The following SETX variants were observed in gnomAD, a reference collection of about 807,000 sequenced individuals.
SETX encodes the protein senataxin.
Under a neutral mutation model 227.2 loss-of-function variants are expected in SETX, and 90 were observed. The observed-to-expected ratio is 0.40, with a 90% CI of 0.33 to 0.47. The LOEUF (loss-of-function observed/expected upper bound fraction) is 0.47, where lower values mean the gene tolerates loss of function less well. SETX is among the 20% of genes least tolerant of loss of function. The pLI is 0.91. For missense variants in SETX, 3,052 were observed against 3,181.5 expected (o/e 0.96, Z 0.98); for synonymous variants, 1,210 against 1,113.2 (o/e 1.09, Z -1.73).
chr9:132,304,867 A>G (rs1038833353), intron 11 of SETX, among the ~76,000 whole-genome samples: 34 of 152,112 alleles, frequency 2.2e-4, no homozygotes, highest in African/African-American at 7.5e-4. Flanking sequence ...GCATGGTGGC[A>G]CATGCCATAA....
At chr9:132,296,796 G>T in intron 14 of SETX, 91 bp downstream of exon 14, 1 of 1,119,344 alleles carries the variant, frequency 8.9e-7, no homozygotes, top group Non-Finnish European at 1.4e-6. Context: ...AGAGGAAATG[G>T]CATGTTAATA....
intron 5 of SETX, among the ~76,000 whole-genome samples, chr9:132,342,418 T>G (rs141159427): frequency 4.3e-4 from 66 of 152,338 alleles, no homozygotes; most frequent in South Asian, 3.5e-3. Context: ...AGAAGAGGTC[T>G]TCTTGAGTTC....
In SETX at chr9:132,264,167, A is replaced by G; in HGVS notation, c.*72T>C. On this transcript the variant is annotated 3_prime_UTR_variant, in exon 26 of 26. Coordinates refer to ENST00000224140, the MANE Select transcript of SETX (RefSeq NM_015046.7). Reference sequence around the variant, plus strand: ...CTCCTTACAAAAAACAAGCTTATCTAGATGGTCCCACGAGCTGGTCATCTT... The same window carrying G: ...CTCCTTACAAAAAACAAGCTTATCTGGATGGTCCCACGAGCTGGTCATCTT... 1 of 1,603,244 alleles carries G rather than the reference A, an allele frequency of 6.2e-7. No homozygotes were observed. The highest frequency in any genetic ancestry group is 8.5e-7 in the Non-Finnish European group (1 of 1,175,636).
In SETX at chr9:132,288,712, T is replaced by C. The variant is rs571538763; in HGVS notation, c.6107-61A>G. ...ACACTGCTGATCAATCCTGTCTCTA[T>C]ACATAGTATCTATATTTCTAAGTAA... On this transcript the variant is annotated intron_variant, in intron 15 of 25. Coordinates refer to ENST00000224140, the MANE Select transcript of SETX (RefSeq NM_015046.7). 2.6e-4 allele frequency: 270 copies of C among 1,049,006 alleles called. 1 individual carries two copies. The highest frequency in any genetic ancestry group is 2.3e-3 in the Middle Eastern group (9 of 3,988). The allele number at this position is 1,049,006 out of a possible 1,614,324, so 65.0% of individuals were successfully genotyped here. A position where few individuals can be genotyped will look rare whatever the true frequency, so the allele number is the denominator to read the frequency against.
chr9:132,282,081 A>G (rs980604881), intron 19 of SETX, among the ~76,000 whole-genome samples: 3 of 151,334 alleles, frequency 2.0e-5, no homozygotes, highest in Non-Finnish European at 4.4e-5. Context: ...AATAAAAAGT[A>G]AACTCTCCAA....
At chr9:132,346,748 T>TC (rs1380168153) in intron 3 of SETX, among the ~76,000 whole-genome samples, 1 of 150,760 alleles carries the variant, frequency 6.6e-6, no homozygotes, top group Admixed American at 6.6e-5. Context: ...GGTCAGGAGT[T>TC]CGAGACCAGC....
chr9:132,288,111 G>A (rs2131244997), intron 17 of SETX, 125 bp downstream of exon 17: 1 of 743,192 alleles, frequency 1.3e-6, no homozygotes, highest in South Asian at 1.5e-5. Flanking sequence ...AGGAAGGTGA[G>A]GCTGCAGTGA....
chr9:132,329,394 C>A lies in SETX; in HGVS notation c.2204G>T (p.Gly735Val), dbSNP rs759020617. The part of the protein sequence containing the change: ...DCTSRNGPER[G>V]CDRGIIVSTR... ...TGATACTATTATTCCTCTGTCACAT[C>A]CCCTTTCTGGACCATTTCTTGAAGT... The change falls in exon 10 of 26, where the codon GGA (glycine) becomes GTA (valine). Residue 735 changes from glycine to valine, a missense_variant. Transcript: ENST00000224140. 18 of 1,613,746 alleles carry A rather than the reference C, an allele frequency of 1.1e-5. No homozygotes were observed. Among genetic ancestry groups the A allele is most frequent in the Non-Finnish European group, 1.5e-5 (18 of 1,179,968 alleles).
In SETX at chr9:132,327,354, T is replaced by C; in HGVS notation, c.4244A>G (p.Lys1415Arg). Residue 1415 changes from lysine to arginine, a missense_variant, in exon 10 of 26, where the codon AAA (lysine) becomes AGA (arginine). This residue lies in a region of SETX where 1,483 missense variants were observed against 1,312.0 expected (regional missense o/e 1.13). Coordinates refer to ENST00000224140, the MANE Select transcript of SETX (RefSeq NM_015046.7). ...LANSNRKQLI[K>R]CMPSEPETIK... ...GGTTTCTGGTTCAGAAGGCATGCAT[T>C]TTATTAACTGTTTTCTGTTACTGTT... 1 of 1,614,224 alleles carries C rather than the reference T, an allele frequency of 6.2e-7. No individual in the cohort carries two copies. The highest frequency in any genetic ancestry group is 8.5e-7 in the Non-Finnish European group (1 of 1,180,036).
At chr9:132,285,793 T>G (rs2131229144) in intron 18 of SETX, among the ~76,000 whole-genome samples, 1 of 148,434 alleles carries the variant, frequency 6.7e-6, no homozygotes, top group South Asian at 2.1e-4. Flanking sequence ...GGCAGGAGAA[T>G]CACTTGAACC....
intron 3 of SETX, among the ~76,000 whole-genome samples, chr9:132,347,405 C>T (rs376500136): frequency 1.3e-5 from 2 of 151,830 alleles, no homozygotes; most frequent in African/African-American, 4.8e-5. Flanking sequence ...CTTGGCCTCC[C>T]AGGTTCAAGC....
intron 25 of SETX, chr9:132,269,367 TC>T: frequency 7.0e-7 from 1 of 1,431,434 alleles, no homozygotes; most frequent in Non-Finnish European, 9.4e-7. Flanking sequence ...TTAACAATAA[TC>T]CTATGATGTG....
At chr9:132,277,453 T>G (rs1247911835) in intron 21 of SETX, among the ~76,000 whole-genome samples, 1 of 151,920 alleles carries the variant, frequency 6.6e-6, no homozygotes, top group Non-Finnish European at 1.5e-5. Flanking sequence ...CTTCAAAAAT[T>G]TAAAAAGTAA....
intron 2 of SETX, among the ~76,000 whole-genome samples, chr9:132,352,529 G>T (rs908574721): frequency 5.9e-5 from 9 of 152,260 alleles, no homozygotes; most frequent in African/African-American, 2.2e-4. Context: ...AGGCGTGAGG[G>T]ATCACGAGGT....
rs1270037646 is a variant in SETX, at chr9:132,264,891, T to C, written c.7382A>G (p.Lys2461Arg). 1 of 1,614,094 alleles carries C rather than the reference T, an allele frequency of 6.2e-7. No individual in the cohort carries two copies. Among genetic ancestry groups the C allele is most frequent in the Non-Finnish European group, 8.5e-7 (1 of 1,179,936 alleles). ...CDKNYRHDAVKILKLKPVLQR... is the reference protein window; with the variant it reads ...CDKNYRHDAVRILKLKPVLQR... ...CAGCACAGGCTTGAGTTTCAGAATC[T>C]TCACTGCATCATGTCTATAGTTTTT... The change falls in exon 26 of 26, where the codon AAG becomes AGG. Residue 2461 changes from lysine (K) to arginine (R), a missense_variant. Around this residue, in one of 10 missense-constraint regions of SETX, gnomAD observed 294 missense variants for 278.8 expected, o/e 1.05. Coordinates refer to ENST00000224140, the MANE Select transcript of SETX (RefSeq NM_015046.7).
intron 2 of SETX, among the ~76,000 whole-genome samples, chr9:132,352,518 G>A (rs548230146): frequency 2.6e-5 from 4 of 152,140 alleles, no homozygotes; most frequent in East Asian, 1.9e-4. Context: ...CTGGGAGGCC[G>A]AGGCGTGAGG....
intron 25 of SETX, among the ~76,000 whole-genome samples, chr9:132,268,414 C>T (rs975159808): frequency 1.3e-5 from 2 of 152,136 alleles, no homozygotes; most frequent in Non-Finnish European, 1.5e-5. Flanking sequence ...GGTGGGAGAA[C>T]GGCTTAAATC....
rs774434998 is a variant in SETX, at chr9:132,277,290, C to T, written c.6843-138G>A. On this transcript the variant is annotated intron_variant, in intron 21 of 25. Transcript: ENST00000224140. ...GATAGCAGGAATATTCTTTTCTAGA[C>T]GTGTATTAGTGAAAGGTACAAAACA... 2.3e-5 allele frequency: 17 copies of T among 733,976 alleles called. No individual in the cohort carries two copies. The Middle Eastern group carries it at 1.8e-3, about 79-fold the overall frequency. The allele number at this position is 733,976 out of a possible 1,614,324, so 45.5% of individuals were successfully genotyped here. A position where few individuals can be genotyped will look rare whatever the true frequency, so the allele number is the denominator to read the frequency against.
chr9:132,296,163 G>A, intron 14 of SETX, 135 bp from the exon 15 acceptor site: 1 of 1,108,462 alleles, frequency 9.0e-7, no homozygotes, highest in Non-Finnish European at 1.3e-6. Context: ...ATAAATAAAA[G>A]CATCTACATC....
Sources: allele counts gnomAD v4.1 joint callset (sites outside exome capture counted in the v4.1 genomes callset), GRCh38; gene constraint gnomAD v4.1.1; regional missense constraint gnomAD v4.1.1; transcripts MANE v1.5; gene names NCBI Gene and HGNC (gene_info 2026-07-23, HGNC 2026-07-21).